The following KCNH7 variants were observed in gnomAD, a reference collection of about 807,000 sequenced individuals.
KCNH7 encodes the protein voltage-gated inwardly rectifying potassium channel KCNH7.
Under a neutral mutation model 120.8 loss-of-function variants are expected in KCNH7, and 49 were observed. That is an observed-to-expected ratio of 0.41 (90% CI 0.32 to 0.51). The LOEUF is 0.51. Ranked by LOEUF, KCNH7 falls within the 20% of genes least tolerant of loss-of-function variation. The pLI, the probability that KCNH7 is intolerant of heterozygous loss-of-function variation, is 0.38. For missense variants in KCNH7, 1,097 were observed against 1,446.6 expected, an observed-to-expected ratio of 0.76 and a Z score of 3.92; for synonymous variants, 547 against 516.1, an observed-to-expected ratio of 1.06 and a Z score of -0.81.
At chr2:162,760,932 G>A (rs541561470) in intron 2 of KCNH7, among the ~76,000 whole-genome samples, 16 of 152,028 alleles carry the variant, frequency 1.1e-4, no homozygotes, top group African/African-American at 2.2e-4. Flanking sequence ...CATTATTTAC[G>A]TGTAGAATAG....
At position 162,764,194 on chromosome 2, in the gene KCNH7, A is replaced by G. The variant is rs58371373; in HGVS notation, c.307+72343T>C. 6.6e-4 allele frequency among the ~76,000 whole-genome samples: 101 copies of G among 152,278 alleles called. No individual in the cohort carries two copies. The East Asian group carries it at 0.016, about 24-fold the overall frequency. ...TCATGTCAGAGTACTGCAAATCAGG[A>G]AGTAGAAAATGAACAGTCAGTATGA... On this transcript the variant is annotated intron_variant, in intron 2 of 15. Transcript: ENST00000332142.
At chr2:162,794,416 T>G (rs1242913957) in intron 2 of KCNH7, among the ~76,000 whole-genome samples, 1 of 152,022 alleles carries the variant, frequency 6.6e-6, no homozygotes, top group Non-Finnish European at 1.5e-5. Flanking sequence ...GCATCAACGC[T>G]TTTCTCCTAA....
At chr2:162,699,809 C>T (rs1215511329) in intron 2 of KCNH7, among the ~76,000 whole-genome samples, 1 of 152,010 alleles carries the variant, frequency 6.6e-6, no homozygotes. Context: ...GGAGGCCACC[C>T]TTTGAACATC....
At chr2:162,387,121 G>GA (rs200037676) in intron 12 of KCNH7, among the ~76,000 whole-genome samples, 44 of 147,974 alleles carry the variant, frequency 3.0e-4, no homozygotes, top group Non-Finnish European at 4.8e-4. Flanking sequence ...TTGGTAAGGA[G>GA]AAAAAAAAAC....
rs1692079283 is a variant in KCNH7 at position 162,535,689 on chromosome 2, C to T, written c.463+1236G>A. Among the ~76,000 whole-genome samples, 3 of 151,666 alleles carry T rather than the reference C, an allele frequency of 2.0e-5. No homozygotes were observed. In the South Asian group the frequency reaches 6.2e-4, roughly 31 times the overall value. On this transcript the variant is annotated intron_variant, in intron 3 of 15. Coordinates refer to ENST00000332142, the MANE Select transcript of KCNH7 (RefSeq NM_033272.4). ...ATTTTTTGTAGCTCTAGAAAATTTG[C>T]TTCTAAAGTTCACATGGAAAATTAA...
chr2:162,608,424 G>A (rs1682852751), intron 2 of KCNH7, among the ~76,000 whole-genome samples: 1 of 152,178 alleles, frequency 6.6e-6, no homozygotes, highest in Non-Finnish European at 1.5e-5. Context: ...TGTGGGCGCA[G>A]TTCTGTACTC....
intron 6 of KCNH7, among the ~76,000 whole-genome samples, chr2:162,477,173 T>C (rs1689774485): frequency 6.6e-6 from 1 of 152,220 alleles, no homozygotes. Context: ...GGCAGTATCT[T>C]GAAAGCTTAG....
At chr2:162,743,551 G>T (rs1181500604) in intron 2 of KCNH7, among the ~76,000 whole-genome samples, 2 of 152,138 alleles carry the variant, frequency 1.3e-5, no homozygotes, top group African/African-American at 4.8e-5. Flanking sequence ...GAATCAAAAT[G>T]TAGGGTCACG....
chr2:162,781,655 G>T (rs1398456301), intron 2 of KCNH7, among the ~76,000 whole-genome samples: 2 of 151,954 alleles, frequency 1.3e-5, no homozygotes, highest in Admixed American at 1.3e-4. Flanking sequence ...TTTGAGCATG[G>T]GGTCCTTAAA....
chr2:162,777,416 A>T (rs1683282633), intron 2 of KCNH7, among the ~76,000 whole-genome samples: 1 of 152,126 alleles, frequency 6.6e-6, no homozygotes, highest in African/African-American at 2.4e-5. Flanking sequence ...GTACAGACAC[A>T]TTCTTTTTAT....
chr2:162,592,057 A>G (rs1694230994), intron 2 of KCNH7, among the ~76,000 whole-genome samples: 1 of 152,122 alleles, frequency 6.6e-6, no homozygotes, highest in South Asian at 2.1e-4. Flanking sequence ...TGACCGGAAA[A>G]GCGAGAAGGG....
chr2:162,435,134 G>T, intron 8 of KCNH7, 64 bp downstream of exon 8: 1 of 1,407,062 alleles, frequency 7.1e-7, no homozygotes, highest in Non-Finnish European at 9.7e-7. Context: ...TCTAAATATT[G>T]TAGAAATATT....
At chr2:162,504,032 AGAGT>A (rs1690780314) in intron 6 of KCNH7, among the ~76,000 whole-genome samples, 1 of 152,040 alleles carries the variant, frequency 6.6e-6, no homozygotes, top group South Asian at 2.1e-4. Flanking sequence ...TCTATTTAGT[AGAGT>A]AAGTCCAAAA....
chr2:162,759,789 T>C (rs1228162284), intron 2 of KCNH7, among the ~76,000 whole-genome samples: 1 of 152,084 alleles, frequency 6.6e-6, no homozygotes, highest in African/African-American at 2.4e-5. Flanking sequence ...ATTTTTAAAA[T>C]GAGAGAATTT....
At chr2:162,773,500 C>A (rs305694) in intron 2 of KCNH7, among the ~76,000 whole-genome samples, 6,686 of 152,154 alleles carry the variant, frequency 0.044, 173 homozygotes, top group East Asian at 0.083. Context: ...AAAAACAAAA[C>A]ACAGAAAACT....
chr2:162,837,391 G>A (rs1404492938), intron 1 of KCNH7, among the ~76,000 whole-genome samples: 2 of 152,096 alleles, frequency 1.3e-5, no homozygotes, highest in Non-Finnish European at 2.9e-5. Context: ...CACACACACA[G>A]TAAATATCAT....
chr2:162,445,140 G>A (rs1218741435), intron 7 of KCNH7, among the ~76,000 whole-genome samples: 1 of 152,110 alleles, frequency 6.6e-6, no homozygotes, highest in Non-Finnish European at 1.5e-5. Context: ...GGAGGATTAT[G>A]TTGTTCTAAA....
At chr2:162,834,928 A>C (rs1313142229) in intron 2 of KCNH7, among the ~76,000 whole-genome samples, 3 of 152,130 alleles carry the variant, frequency 2.0e-5, no homozygotes, top group Admixed American at 1.3e-4. Flanking sequence ...ACCAACATTC[A>C]CTGAAGTTAC....
chr2:162,513,358 T>A (rs62188232), intron 4 of KCNH7, among the ~76,000 whole-genome samples: 1 of 91,768 alleles, frequency 1.1e-5, no homozygotes, highest in Non-Finnish European at 2.1e-5. Context: ...TCCCTCCTTC[T>A]TTCCTTCCTT....
Sources: gnomAD v4.1 joint callset for allele counts (sites outside exome capture counted in the v4.1 genomes callset) on GRCh38, gnomAD v4.1.1 for gene constraint, MANE v1.5 for transcripts, NCBI Gene and HGNC (gene_info 2026-07-23, HGNC 2026-07-21) for gene names.